Variants in SKAP1 observed in about 807,000 individuals in gnomAD.
SKAP1 encodes the protein src kinase-associated phosphoprotein 1.
SKAP1 carries 44 observed loss-of-function variants against 58.5 expected under a neutral mutation model. That is an observed-to-expected ratio of 0.75 (90% CI 0.59 to 0.97). SKAP1 has a LOEUF of 0.97. Among genes scored for constraint, SKAP1 ranks in the 50% least tolerant of loss-of-function variants. The pLI, the probability that SKAP1 is intolerant of heterozygous loss-of-function variation, is 0.00. For missense variants in SKAP1, 390 were observed against 435.2 expected, an observed-to-expected ratio of 0.90 and a Z score of 0.92; for synonymous variants, 127 against 149.7, an observed-to-expected ratio of 0.85 and a Z score of 1.11.
chr17:48,271,362 CTTT>C (rs35447830), intron 4 of SKAP1, among the ~76,000 whole-genome samples: 4 of 106,274 alleles, frequency 3.8e-5, no homozygotes, highest in African/African-American at 1.0e-4. Flanking sequence ...TTCTTTGTTT[CTTT>C]TTTTTTTTTT....
rs1165859019 is a variant in SKAP1, at chr17:48,133,521, T to G, written c.*303A>C. 6.6e-6 allele frequency: 1 copy of G among 152,240 alleles called. No individual in the cohort carries two copies. The highest frequency in any genetic ancestry group is 1.9e-4 in the East Asian group (1 of 5,198). 9.4% of individuals were successfully genotyped at this position (152,240 alleles called of 1,614,324 possible). On this transcript the variant is annotated 3_prime_UTR_variant, in exon 13 of 13. Coordinates refer to ENST00000336915, the MANE Select transcript of SKAP1 (RefSeq NM_003726.4). ...CCAGTAATGTCCTCCTCCCAAGGTTTCCTTCTCTCTCACCTTCTTTGTGAA... is the reference window on the plus strand; with the variant it reads ...CCAGTAATGTCCTCCTCCCAAGGTTGCCTTCTCTCTCACCTTCTTTGTGAA...
chr17:48,200,372 T>TTCTA (rs1296774990), intron 4 of SKAP1, among the ~76,000 whole-genome samples: 1 of 146,162 alleles, frequency 6.8e-6, no homozygotes, highest in Non-Finnish European at 1.6e-5. Flanking sequence ...GGGCCATTCT[T>TTCTA]TCTTTCTTTC....
chr17:48,316,453 C>G (rs796163851), intron 4 of SKAP1, among the ~76,000 whole-genome samples: 6 of 152,306 alleles, frequency 3.9e-5, no homozygotes, highest in African/African-American at 1.4e-4. Flanking sequence ...GAGGCCTCCT[C>G]TGATCACCCT....
At chr17:48,326,889 CTTTTTTTT>C (rs35868072) in intron 4 of SKAP1, among the ~76,000 whole-genome samples, 1 of 121,608 alleles carries the variant, frequency 8.2e-6, no homozygotes, top group African/African-American at 3.2e-5. Context: ...TTCTTTCTTT[CTTTTTTTT>C]TTTTTTTTTT....
chr17:48,275,854 A>T (rs11656941), intron 4 of SKAP1, among the ~76,000 whole-genome samples: 1 of 152,174 alleles, frequency 6.6e-6, no homozygotes. Flanking sequence ...CATTTGGTCA[A>T]GCCTAAATCA....
Position 48,183,694 on chromosome 17 carries a change from C to G in SKAP1, c.567+1029G>C, listed in dbSNP as rs368573500. Among the ~76,000 whole-genome samples the G allele has an allele frequency of 1.6e-4, 25 of 152,120 alleles. No individual in the cohort carries two copies. In the East Asian group the frequency reaches 2.7e-3, roughly 16 times the overall value. ...ATGTAATAATAAAAATAACTAGGAA[C>G]ATATTCAGTGCATAGATCTATATTA... On this transcript the variant is annotated intron_variant, in intron 7 of 12. Transcript: ENST00000336915.
intron 4 of SKAP1, among the ~76,000 whole-genome samples, chr17:48,254,450 A>G (rs2065400697): frequency 6.6e-6 from 1 of 152,122 alleles, no homozygotes; most frequent in Admixed American, 6.6e-5. Flanking sequence ...GTTTCTTGAT[A>G]CATAGTATAA....
At chr17:48,289,048 A>C (rs566045513) in intron 4 of SKAP1, among the ~76,000 whole-genome samples, 3 of 152,126 alleles carry the variant, frequency 2.0e-5, no homozygotes, top group Admixed American at 2.0e-4. Flanking sequence ...AAATTATTAT[A>C]AAGTGGTGAA....
At chr17:48,321,347 C>CATTATTATTATT (rs59389347) in intron 4 of SKAP1, among the ~76,000 whole-genome samples, 2 of 137,570 alleles carry the variant, frequency 1.5e-5, no homozygotes, top group East Asian at 2.1e-4. Context: ...CCTTCTGTCT[C>CATTATTATTATT]ATTATTATTA....
chr17:48,400,663 T>C (rs2067488584), intron 1 of SKAP1, among the ~76,000 whole-genome samples: 1 of 151,824 alleles, frequency 6.6e-6, no homozygotes, highest in South Asian at 2.1e-4. Context: ...GGTGGCCTCA[T>C]TTGAGCCCAG....
chr17:48,395,698 T>C (rs779174723), intron 2 of SKAP1, among the ~76,000 whole-genome samples: 2 of 152,208 alleles, frequency 1.3e-5, no homozygotes, highest in Non-Finnish European at 2.9e-5. Flanking sequence ...CAACCCAGGC[T>C]GATAATTACA....
intron 1 of SKAP1, among the ~76,000 whole-genome samples, chr17:48,420,411 G>GT (rs1323249886): frequency 6.6e-6 from 1 of 152,146 alleles, no homozygotes; most frequent in African/African-American, 2.4e-5. Context: ...GTCACTATTG[G>GT]TGGGAACCTA....
intron 4 of SKAP1, among the ~76,000 whole-genome samples, chr17:48,216,004 T>C (rs1008292323): frequency 1.3e-5 from 2 of 152,224 alleles, no homozygotes; most frequent in Non-Finnish European, 2.9e-5. Context: ...AGCATATTGC[T>C]TTGTTTATTC....
At chr17:48,430,471 C>T (rs2067905958), upstream of SKAP1, among the ~76,000 whole-genome samples, 1 of 152,104 alleles carries the variant, frequency 6.6e-6, no homozygotes, top group Non-Finnish European at 1.5e-5. Flanking sequence ...GGACCCACGG[C>T]TTTGGACACT....
rs770979442 is a variant in SKAP1 at position 48,326,487 on chromosome 17, T to C, written c.280+19418A>G. The stretch of plus-strand genomic sequence containing the variant: ...ATAGCATGTACAAGGTTGTCTGTCA[T>C]TGGAACACTTTTTTCTGCAAACTCA... On this transcript the variant is annotated intron_variant, in intron 4 of 12. Coordinates refer to ENST00000336915, the MANE Select transcript of SKAP1 (RefSeq NM_003726.4). 7.2e-5 allele frequency among the ~76,000 whole-genome samples: 11 copies of C among 152,218 alleles called. No homozygotes were observed. In the East Asian group the frequency reaches 1.5e-3, roughly 21 times the overall value.
intron 4 of SKAP1, among the ~76,000 whole-genome samples, chr17:48,296,423 C>T (rs1370996306): frequency 6.6e-6 from 1 of 152,050 alleles, no homozygotes; most frequent in East Asian, 1.9e-4. Context: ...AAAAAAACAG[C>T]TATAGTATAA....
intron 4 of SKAP1, among the ~76,000 whole-genome samples, chr17:48,230,334 C>G (rs1308238174): frequency 6.6e-6 from 1 of 152,202 alleles, no homozygotes; most frequent in Non-Finnish European, 1.5e-5. Context: ...ATCAACAAAG[C>G]TTTGTTTTGT....
At chr17:48,434,784 T>C (rs897305403), upstream of SKAP1, among the ~76,000 whole-genome samples, 1 of 152,136 alleles carries the variant, frequency 6.6e-6, no homozygotes, top group Admixed American at 6.5e-5. Flanking sequence ...ATACCTAAGA[T>C]AGATAGTTAC....
chr17:48,437,477 T>C, the SKAP1 span, among the ~76,000 whole-genome samples: 1 of 152,144 alleles, frequency 6.6e-6, no homozygotes, highest in South Asian at 2.1e-4. Flanking sequence ...GTGTGGTGAC[T>C]CACGCCTGTA....
Sources: allele counts gnomAD v4.1 joint callset (sites outside exome capture counted in the v4.1 genomes callset), GRCh38; gene constraint gnomAD v4.1.1; transcripts MANE v1.5; gene names NCBI Gene and HGNC (gene_info 2026-07-23, HGNC 2026-07-21).